The following VWC2L variants were observed in gnomAD, a reference collection of about 807,000 sequenced individuals.
The protein encoded by VWC2L is von Willebrand factor C domain-containing protein 2-like.
A neutral mutation model predicts 21.6 loss-of-function variants in VWC2L; 10 were observed. The observed-to-expected ratio is 0.46, with a 90% CI of 0.29 to 0.78. The LOEUF is 0.78. Among genes scored for constraint, VWC2L ranks in the 30% least tolerant of loss-of-function variants. The probability of loss-of-function intolerance (pLI) is 0.10; values close to 1 mark genes in which losing one functional copy is unlikely to be tolerated. For synonymous variants in VWC2L, 96 were observed against 94.3 expected (o/e 1.02, Z -0.10); for missense variants, 209 against 277.1 (o/e 0.75, Z 1.74).
Position 214,533,397 on chromosome 2 carries a change from C to G in VWC2L, c.521-42275C>G, listed in dbSNP as rs188986609. Among the ~76,000 whole-genome samples, 451 of 152,110 alleles carry G rather than the reference C, an allele frequency of 3.0e-3. 3 individuals carry two copies. The highest frequency in any genetic ancestry group is 0.01 in the African/African-American group (423 of 41,504). On this transcript the variant is annotated intron_variant, in intron 3 of 3. Transcript: ENST00000312504. ...CTTCGAGGCTGCTAGTATTAAACAGCACAAATTGCAGCTGGTCTTCCCAGG... is the reference window on the plus strand; with the variant it reads ...CTTCGAGGCTGCTAGTATTAAACAGGACAAATTGCAGCTGGTCTTCCCAGG...
At chr2:214,440,082 T>C (rs186001155) in intron 3 of VWC2L, among the ~76,000 whole-genome samples, 1 of 152,008 alleles carries the variant, frequency 6.6e-6, no homozygotes, top group African/African-American at 2.4e-5. Context: ...TAAACAAGAT[T>C]TTCAATGGTT....
rs1690262562 is a variant in VWC2L, at chr2:214,578,148, G to T, written c.*2328G>T. The T allele has an allele frequency of 1.3e-5, 2 of 152,140 alleles. No homozygotes were observed. Among genetic ancestry groups the T allele is most frequent in the Admixed American group, 6.6e-5 (1 of 15,254 alleles). 9.4% of individuals were successfully genotyped at this position (152,140 alleles called of 1,614,324 possible). ...TTGGAAAGAAATAATAATAATAAAT[G>T]ACAGGAATAAGGTTTGAAACTCAGA... On this transcript the variant is annotated 3_prime_UTR_variant, in exon 4 of 4. Transcript: ENST00000312504.
At chr2:214,535,787 G>A (rs796080161) in intron 3 of VWC2L, among the ~76,000 whole-genome samples, 4 of 115,062 alleles carry the variant, frequency 3.5e-5, no homozygotes, top group African/African-American at 1.3e-4. Context: ...AACATAATTT[G>A]GAAAAATGAA....
intron 3 of VWC2L, among the ~76,000 whole-genome samples, chr2:214,552,807 C>T (rs1574632742): frequency 6.6e-6 from 1 of 152,132 alleles, no homozygotes; most frequent in African/African-American, 2.4e-5. Flanking sequence ...AAATATTTCC[C>T]TTGAGATCTC....
chr2:214,469,530 G>A (rs1703273095), intron 3 of VWC2L, among the ~76,000 whole-genome samples: 1 of 152,132 alleles, frequency 6.6e-6, no homozygotes, highest in African/African-American at 2.4e-5. Flanking sequence ...GGGAGGCAGA[G>A]CTTGCAGTGA....
intron 3 of VWC2L, among the ~76,000 whole-genome samples, chr2:214,482,665 T>A (rs74842874): frequency 0.071 from 10,296 of 145,750 alleles, 382 homozygotes; most frequent in Middle Eastern, 0.12. Flanking sequence ...ATATATATAT[T>A]TTTTTTTCTT....
intron 3 of VWC2L, among the ~76,000 whole-genome samples, chr2:214,551,763 C>T (rs1319696687): frequency 6.6e-6 from 1 of 152,208 alleles, no homozygotes; most frequent in African/African-American, 2.4e-5. Flanking sequence ...CAGCCTTTGG[C>T]TGTTGAGAGG....
chr2:214,515,752 A>G (rs1689131991), intron 3 of VWC2L, among the ~76,000 whole-genome samples: 1 of 151,996 alleles, frequency 6.6e-6, no homozygotes, highest in Non-Finnish European at 1.5e-5. Flanking sequence ...ATGGGGTTTC[A>G]CCATGTTGGT....
intron 3 of VWC2L, among the ~76,000 whole-genome samples, chr2:214,440,982 A>G (rs1161423912): frequency 1.3e-5 from 2 of 152,142 alleles, no homozygotes; most frequent in Non-Finnish European, 2.9e-5. Flanking sequence ...AAATTTGAAA[A>G]GACAGAACGC....
chr2:214,512,299 A>G (rs1324758142), intron 3 of VWC2L, among the ~76,000 whole-genome samples: 1 of 152,166 alleles, frequency 6.6e-6, no homozygotes, highest in African/African-American at 2.4e-5. Context: ...TTGCATTTCA[A>G]AATTTTCACT....
intron 2 of VWC2L, among the ~76,000 whole-genome samples, chr2:214,417,372 T>C (rs1026598593): frequency 6.6e-6 from 1 of 152,160 alleles, no homozygotes; most frequent in African/African-American, 2.4e-5. Flanking sequence ...AAAAGTTAAG[T>C]ATATGATTAT....
At chr2:214,471,987 T>A (rs973423460) in intron 3 of VWC2L, among the ~76,000 whole-genome samples, 1 of 152,206 alleles carries the variant, frequency 6.6e-6, no homozygotes, top group African/African-American at 2.4e-5. Flanking sequence ...CCTAAATTTT[T>A]CTCATTTGTC....
intron 3 of VWC2L, among the ~76,000 whole-genome samples, chr2:214,531,505 A>G (rs1004858864): frequency 1.3e-5 from 2 of 152,188 alleles, no homozygotes; most frequent in Non-Finnish European, 2.9e-5. Flanking sequence ...TTAGAATATT[A>G]GATCTATTCT....
At chr2:214,502,011 A>G (rs1688899867) in intron 3 of VWC2L, among the ~76,000 whole-genome samples, 1 of 152,248 alleles carries the variant, frequency 6.6e-6, no homozygotes, top group African/African-American at 2.4e-5. Context: ...CAGCAAAGTC[A>G]TCCCAGATGG....
chr2:214,461,374 G>A (rs374794287), intron 3 of VWC2L, among the ~76,000 whole-genome samples: 3 of 152,258 alleles, frequency 2.0e-5, no homozygotes, highest in Admixed American at 6.5e-5. Context: ...GTTCCAAGGG[G>A]GAACACTCTA....
At chr2:214,517,742 T>C (rs1689167519) in intron 3 of VWC2L, among the ~76,000 whole-genome samples, 1 of 152,158 alleles carries the variant, frequency 6.6e-6, no homozygotes, top group Non-Finnish European at 1.5e-5. Flanking sequence ...ATAATGGTGA[T>C]AATACAAGGC....
chr2:214,494,565 C>T (rs1408377303), intron 3 of VWC2L, among the ~76,000 whole-genome samples: 1 of 152,102 alleles, frequency 6.6e-6, no homozygotes, highest in Non-Finnish European at 1.5e-5. Context: ...ACAGTGTCCT[C>T]CATTTTGAAG....
At chr2:214,482,616 GA>G (rs1688622747) in intron 3 of VWC2L, among the ~76,000 whole-genome samples, 1 of 148,654 alleles carries the variant, frequency 6.7e-6, no homozygotes, top group Admixed American at 6.7e-5. Flanking sequence ...TGAAGAGAGA[GA>G]AAAAAATTTA....
intron 3 of VWC2L, among the ~76,000 whole-genome samples, chr2:214,450,595 C>A (rs1702939104): frequency 6.6e-6 from 1 of 152,048 alleles, no homozygotes; most frequent in African/African-American, 2.4e-5. Context: ...AAAATATGGA[C>A]CCAATTAGTT....
Sources: allele counts gnomAD v4.1 joint callset (sites outside exome capture counted in the v4.1 genomes callset), GRCh38; gene constraint gnomAD v4.1.1; transcripts MANE v1.5; gene names NCBI Gene and HGNC (gene_info 2026-07-23, HGNC 2026-07-21).